The following PDE8B variants were observed in gnomAD, a reference collection of about 807,000 sequenced individuals.
PDE8B encodes high affinity cAMP-specific and IBMX-insensitive 3',5'-cyclic phosphodiesterase 8B.
Under a neutral mutation model 101.3 loss-of-function variants are expected in PDE8B, and 26 were observed. The ratio of observed to expected loss-of-function variants is 0.26; its 90% CI spans 0.19 to 0.36. The LOEUF is 0.36. Among genes scored for constraint, PDE8B ranks in the 10% least tolerant of loss-of-function variants. PDE8B has a pLI of 1.00. For synonymous variants in PDE8B, 424 were observed against 429.3 expected, an observed-to-expected ratio of 0.99 and a Z score of 0.15; for missense variants, 810 against 1,163.1, an observed-to-expected ratio of 0.70 and a Z score of 4.42.
intron 10 of PDE8B, among the ~76,000 whole-genome samples, chr5:77,377,606 A>G (rs999641273): frequency 6.6e-6 from 1 of 152,246 alleles, no homozygotes; most frequent in Non-Finnish European, 1.5e-5. Flanking sequence ...AAAAGGGTCT[A>G]TGCATCAGAT....
the PDE8B span, among the ~76,000 whole-genome samples, chr5:77,123,851 G>A: frequency 2.0e-5 from 3 of 152,224 alleles, no homozygotes; most frequent in East Asian, 5.8e-4. Context: ...TGTGTAAGCT[G>A]TGAGACAAAT....
the PDE8B span, among the ~76,000 whole-genome samples, chr5:77,124,039 A>G: frequency 6.6e-6 from 1 of 152,262 alleles, no homozygotes; most frequent in East Asian, 1.9e-4. Flanking sequence ...AAAAGAGCCT[A>G]GAACATACCT....
chr5:77,276,647 G>A (rs968434368), intron 1 of PDE8B, among the ~76,000 whole-genome samples: 1 of 152,166 alleles, frequency 6.6e-6, no homozygotes, highest in African/African-American at 2.4e-5. Context: ...CACAGTGCTG[G>A]ACTCAGTAGT....
intron 1 of PDE8B, among the ~76,000 whole-genome samples, chr5:77,292,546 A>C (rs1318265210): frequency 6.6e-6 from 1 of 152,148 alleles, no homozygotes; most frequent in Non-Finnish European, 1.5e-5. Flanking sequence ...TGTGAAATTC[A>C]CTGTAAAATC....
At chr5:77,183,979 T>TA in the PDE8B span, among the ~76,000 whole-genome samples, 4 of 151,522 alleles carry the variant, frequency 2.6e-5, no homozygotes, top group East Asian at 1.9e-4. Context: ...CTTTTTTTTT[T>TA]TAAAAAAAAA....
chr5:77,291,864 A>G, intron 1 of PDE8B: 1 of 1,410,510 alleles, frequency 7.1e-7, no homozygotes, highest in Non-Finnish European at 1.0e-6. Context: ...TGAAGAAGAC[A>G]AAGAAAATTA....
chr5:77,290,980 G>A (rs1447876316), intron 1 of PDE8B: 12 of 1,611,744 alleles, frequency 7.4e-6, no homozygotes, highest in South Asian at 5.5e-5. Context: ...AAAGATGAAC[G>A]AGTGAACCTG....
chr5:77,202,753 GGGAC>G, the PDE8B span, among the ~76,000 whole-genome samples: 8 of 152,034 alleles, frequency 5.3e-5, no homozygotes, highest in African/African-American at 1.7e-4. Flanking sequence ...CTGTGTAGCT[GGGAC>G]TACAGGGGTG....
chr5:77,139,130 A>C, the PDE8B span: 1 of 152,244 alleles, frequency 6.6e-6, no homozygotes, highest in Non-Finnish European at 1.5e-5. Flanking sequence ...ATTAAGTTAG[A>C]ACACAGAGGT....
At chr5:77,113,247 A>T in the PDE8B span, 1 of 152,150 alleles carries the variant, frequency 6.6e-6, no homozygotes, top group African/African-American at 2.4e-5. Context: ...ACCTGGAGGC[A>T]TCATGCTACC....
intron 20 of PDE8B, among the ~76,000 whole-genome samples, chr5:77,423,537 C>CT (rs769628314): frequency 5.3e-5 from 8 of 149,722 alleles, no homozygotes; most frequent in Non-Finnish European, 8.9e-5. Flanking sequence ...TATTTTCTGA[C>CT]TTTTTAATAG....
intron 1 of PDE8B, among the ~76,000 whole-genome samples, chr5:77,222,574 G>T (rs368775896): frequency 5.3e-4 from 81 of 152,288 alleles, no homozygotes; most frequent in Non-Finnish European, 9.8e-4. Flanking sequence ...ACAGAGTGGA[G>T]ACTCCATCTC....
At chr5:77,188,920 A>G in the PDE8B span, among the ~76,000 whole-genome samples, 1 of 152,096 alleles carries the variant, frequency 6.6e-6, no homozygotes. Flanking sequence ...GGGAAGGGAG[A>G]AGAGGCTGGG....
chr5:77,245,174 T>A (rs976738644), intron 1 of PDE8B, among the ~76,000 whole-genome samples: 3 of 152,210 alleles, frequency 2.0e-5, no homozygotes, highest in African/African-American at 7.2e-5. Context: ...TAGAACATTG[T>A]CATACAGGCT....
At chr5:77,323,777 C>A (rs191991309) in intron 2 of PDE8B, among the ~76,000 whole-genome samples, 3 of 151,942 alleles carry the variant, frequency 2.0e-5, no homozygotes, top group African/African-American at 7.3e-5. Flanking sequence ...GCCAACATGG[C>A]GAAACCCCAT....
chr5:77,394,356 C>T (rs1398673299), intron 10 of PDE8B, among the ~76,000 whole-genome samples: 1 of 152,118 alleles, frequency 6.6e-6, no homozygotes, highest in African/African-American at 2.4e-5. Context: ...ATGAGTATCT[C>T]CTCCTCGCAC....
intron 9 of PDE8B, among the ~76,000 whole-genome samples, chr5:77,352,524 AG>A (rs1781345217): frequency 2.0e-5 from 3 of 152,232 alleles, no homozygotes; most frequent in Admixed American, 1.3e-4. Flanking sequence ...GAGCTATCAG[AG>A]GCAATTCTTA....
the PDE8B span, among the ~76,000 whole-genome samples, chr5:77,095,536 G>A: frequency 6.6e-5 from 10 of 152,086 alleles, no homozygotes; most frequent in African/African-American, 2.2e-4. Context: ...ATTTTTCAGT[G>A]AGAATCGTGT....
chr5:77,164,232 C>T, the PDE8B span, among the ~76,000 whole-genome samples: 3 of 152,224 alleles, frequency 2.0e-5, no homozygotes, highest in Admixed American at 1.3e-4. Flanking sequence ...CTTTTACAAA[C>T]TAGCCAAGTG....
Sources: allele counts gnomAD v4.1 joint callset (sites outside exome capture counted in the v4.1 genomes callset), GRCh38; gene constraint gnomAD v4.1.1; transcripts MANE v1.5; gene names NCBI Gene and HGNC (gene_info 2026-07-23, HGNC 2026-07-21).